The following PPM1L variants were observed in gnomAD, a reference collection of about 807,000 sequenced individuals.
PPM1L encodes protein phosphatase, Mg2+/Mn2+ dependent 1L.
Under a neutral mutation model 31.4 loss-of-function variants are expected in PPM1L, and 13 were observed. The observed-to-expected ratio is 0.41, with a 90% confidence interval of 0.27 to 0.66. The LOEUF is 0.66. PPM1L is among the 30% of genes least tolerant of loss of function. The probability of loss-of-function intolerance (pLI) is 0.29; values close to 1 mark genes in which losing one functional copy is unlikely to be tolerated. For missense variants in PPM1L, 326 were observed against 453.7 expected, an observed-to-expected ratio of 0.72 and a Z score of 2.56; for synonymous variants, 184 against 175.4, an observed-to-expected ratio of 1.05 and a Z score of -0.39.
chr3:160,867,286 G>T (rs1400099657), intron 1 of PPM1L, among the ~76,000 whole-genome samples: 1 of 148,358 alleles, frequency 6.7e-6, no homozygotes, highest in Non-Finnish European at 1.5e-5. Context: ...CTTAAAATCA[G>T]ATTCACATTT....
At chr3:161,055,450 G>C (rs1719385845) in intron 2 of PPM1L, among the ~76,000 whole-genome samples, 1 of 152,076 alleles carries the variant, frequency 6.6e-6, no homozygotes, top group East Asian at 1.9e-4. Flanking sequence ...TTTCATTAAT[G>C]ACTGCCTTCA....
At chr3:160,984,971 T>G (rs1044791353) in intron 2 of PPM1L, among the ~76,000 whole-genome samples, 1 of 152,178 alleles carries the variant, frequency 6.6e-6, no homozygotes, top group African/African-American at 2.4e-5. Context: ...GTAAGCATTC[T>G]ATAATGCACA....
chr3:160,919,308 T>C (rs1409601247), intron 1 of PPM1L, among the ~76,000 whole-genome samples: 2 of 152,256 alleles, frequency 1.3e-5, no homozygotes, highest in East Asian at 3.8e-4. Flanking sequence ...GTTCTTCTAC[T>C]TTTTCATTTA....
intron 1 of PPM1L, among the ~76,000 whole-genome samples, chr3:160,828,553 G>C (rs985313995): frequency 2.0e-4 from 30 of 152,142 alleles, no homozygotes; most frequent in African/African-American, 6.5e-4. Flanking sequence ...AGTGGAGGTT[G>C]ATAATGTTAG....
At chr3:161,052,114 A>T (rs1185872392) in intron 2 of PPM1L, among the ~76,000 whole-genome samples, 1 of 152,182 alleles carries the variant, frequency 6.6e-6, no homozygotes, top group Non-Finnish European at 1.5e-5. Context: ...GGTTCTCAGC[A>T]GTTTTCTCTG....
At chr3:160,915,431 C>T (rs945961300) in intron 1 of PPM1L, among the ~76,000 whole-genome samples, 2 of 151,898 alleles carry the variant, frequency 1.3e-5, no homozygotes, top group Non-Finnish European at 2.9e-5. Context: ...AATGGAAGAA[C>T]ATTCCATGTT....
chr3:160,916,249 G>A (rs1050650569), intron 1 of PPM1L, among the ~76,000 whole-genome samples: 1 of 152,088 alleles, frequency 6.6e-6, no homozygotes, highest in Non-Finnish European at 1.5e-5. Flanking sequence ...AGTGGGCGAA[G>A]GATATGAACA....
At chr3:161,018,391 C>T (rs987952483) in intron 2 of PPM1L, among the ~76,000 whole-genome samples, 14 of 152,134 alleles carry the variant, frequency 9.2e-5, no homozygotes, top group African/African-American at 3.4e-4. Context: ...AAATGGTTTT[C>T]ATATGTTCTC....
chr3:160,938,098 G>GA (rs1327112758), intron 1 of PPM1L, among the ~76,000 whole-genome samples: 2 of 152,102 alleles, frequency 1.3e-5, no homozygotes, highest in East Asian at 3.9e-4. Flanking sequence ...TTATAATGTT[G>GA]AAAATCAGTC....
chr3:160,921,541 A>G (rs1714403644), intron 1 of PPM1L, among the ~76,000 whole-genome samples: 3 of 152,184 alleles, frequency 2.0e-5, no homozygotes, highest in Non-Finnish European at 4.4e-5. Flanking sequence ...AAATTAATTA[A>G]ACATTTAAAC....
intron 2 of PPM1L, among the ~76,000 whole-genome samples, chr3:160,976,052 A>G (rs1252170332): frequency 2.4e-5 from 3 of 124,572 alleles, no homozygotes; most frequent in African/African-American, 9.7e-5. Context: ...CGTCCCATCA[A>G]TACCTAATTT....
At chr3:161,029,161 C>T (rs751162160) in intron 2 of PPM1L, among the ~76,000 whole-genome samples, 3 of 152,188 alleles carry the variant, frequency 2.0e-5, no homozygotes, top group African/African-American at 4.8e-5. Context: ...GATTTGAAGT[C>T]TCACACATAA....
In PPM1L at chr3:161,077,822, T is replaced by C. The variant is rs1720155501; in HGVS notation, c.*8665T>C. On this transcript the variant is annotated 3_prime_UTR_variant, in exon 4 of 4. Coordinates refer to ENST00000498165, the MANE Select transcript of PPM1L (RefSeq NM_139245.4). ...AAAATAGCAACATCTGTTTTCTGTATGGCAAAGAAAAACTAAATCCCAGAC... is the reference window on the plus strand; with the variant it reads ...AAAATAGCAACATCTGTTTTCTGTACGGCAAAGAAAAACTAAATCCCAGAC... 6.6e-6 allele frequency: 1 copy of C among 152,206 alleles called. No homozygotes were observed. Among genetic ancestry groups the C allele is most frequent in the African/African-American group, 2.4e-5 (1 of 41,452 alleles). The allele number at this position is 152,206 out of a possible 1,614,324, so 9.4% of individuals were successfully genotyped here.
intron 2 of PPM1L, among the ~76,000 whole-genome samples, chr3:161,044,135 G>A (rs1466036527): frequency 4.6e-5 from 7 of 152,046 alleles, no homozygotes; most frequent in Admixed American, 3.9e-4. Flanking sequence ...TGCCTCCTGG[G>A]TTCAAGCAAT....
Position 161,069,154 on chromosome 3 carries a change from G to T in PPM1L, c.1080G>T (p.Gln360His). The change falls in exon 4 of 4, where the codon CAG becomes CAT. Residue 360 changes from glutamine to histidine, a missense_variant. Gln to His is a conservative substitution (Grantham distance 24). Coordinates refer to ENST00000498165, the MANE Select transcript of PPM1L (RefSeq NM_139245.4). Reference sequence around the variant, plus strand: ...GAAATAGCAGCAAAACAGAAGAGCAGTGAACCCTTCAGGGGTCTCAGCTGC... The same window carrying T: ...GAAATAGCAGCAAAACAGAAGAGCATTGAACCCTTCAGGGGTCTCAGCTGC... ...KFRNSSKTEE[Q>H] The T allele has an allele frequency of 7.4e-6, 12 of 1,611,662 alleles. No individual in the cohort carries two copies. The highest frequency in any genetic ancestry group is 1.0e-5 in the Non-Finnish European group (12 of 1,178,714).
intron 1 of PPM1L, among the ~76,000 whole-genome samples, chr3:160,886,293 TC>T (rs1712914416): frequency 1.3e-5 from 2 of 152,142 alleles, no homozygotes; most frequent in African/African-American, 4.8e-5. Flanking sequence ...TTCTGAGGAA[TC>T]TGGGCAGCCC....
At chr3:160,846,814 C>G (rs182569261) in intron 1 of PPM1L, among the ~76,000 whole-genome samples, 1 of 152,114 alleles carries the variant, frequency 6.6e-6, no homozygotes, top group Non-Finnish European at 1.5e-5. Context: ...AGTTGTGCAA[C>G]TGTTACCCCT....
At chr3:161,000,142 A>T (rs536227144) in intron 2 of PPM1L, among the ~76,000 whole-genome samples, 1 of 152,366 alleles carries the variant, frequency 6.6e-6, no homozygotes, top group Admixed American at 6.5e-5. Context: ...CACAAGTTCC[A>T]TTTTGGACTT....
chr3:161,021,911 C>T (rs1718245446), intron 2 of PPM1L, among the ~76,000 whole-genome samples: 1 of 151,938 alleles, frequency 6.6e-6, no homozygotes, highest in South Asian at 2.1e-4. Flanking sequence ...AAAGTATTTT[C>T]TAGAAAGCAC....
Sources: allele counts gnomAD v4.1 joint callset (sites outside exome capture counted in the v4.1 genomes callset), GRCh38; gene constraint gnomAD v4.1.1; transcripts MANE v1.5; gene names NCBI Gene and HGNC (gene_info 2026-07-23, HGNC 2026-07-21).